Variants in PCDHA3 observed in about 807,000 individuals in gnomAD.
PCDHA3 encodes the protein protocadherin alpha-3.
PCDHA3 carries 41 observed loss-of-function variants against 62.2 expected under a neutral mutation model. The ratio of observed to expected loss-of-function variants is 0.66; its 90% CI spans 0.51 to 0.86. The LOEUF is 0.86. PCDHA3 is among the 40% of genes least tolerant of loss of function. The pLI is 0.00. For missense variants in PCDHA3, 1,304 were observed against 1,241.2 expected (o/e 1.05, Z -0.76); for synonymous variants, 640 against 555.4 (o/e 1.15, Z -2.14).
chr5:140,810,054 G>C (rs1045544275), intron 1 of PCDHA3: 1 of 153,900 alleles, frequency 6.5e-6, no homozygotes, highest in Non-Finnish European at 1.4e-5. Flanking sequence ...TGTTTGTTCG[G>C]GGCCTGTTTT....
chr5:140,974,057 G>A (rs1302269611), intron 1 of PCDHA3, among the ~76,000 whole-genome samples: 1 of 152,154 alleles, frequency 6.6e-6, no homozygotes, highest in Non-Finnish European at 1.5e-5. Flanking sequence ...ATAATATTTG[G>A]AGCAGTATAA....
intron 1 of PCDHA3, chr5:140,854,282 G>C: frequency 1.9e-6 from 1 of 533,858 alleles, no homozygotes; most frequent in Non-Finnish European, 2.4e-6. Context: ...ATTGAGTTTA[G>C]TTTTTATTAT....
chr5:140,944,242 C>T (rs969404044), intron 1 of PCDHA3, among the ~76,000 whole-genome samples: 1 of 152,172 alleles, frequency 6.6e-6, no homozygotes, highest in African/African-American at 2.4e-5. Flanking sequence ...GGCTGGAGTG[C>T]AGTGATGTGA....
At chr5:140,831,505 C>A (rs1412107675) in intron 1 of PCDHA3, among the ~76,000 whole-genome samples, 1 of 140,118 alleles carries the variant, frequency 7.1e-6, no homozygotes. Flanking sequence ...ACACGAGCAC[C>A]ACCATGCCCC....
At chr5:140,835,990 G>A in intron 1 of PCDHA3, 3 of 1,613,318 alleles carry the variant, frequency 1.9e-6, no homozygotes, top group Non-Finnish European at 2.5e-6. Context: ...TTCCAGGTGA[G>A]CGCGCGCGAT....
At chr5:140,879,396 T>C (rs2057974571) in intron 1 of PCDHA3, among the ~76,000 whole-genome samples, 1 of 152,174 alleles carries the variant, frequency 6.6e-6, no homozygotes, top group Non-Finnish European at 1.5e-5. Context: ...AAACAGTTTG[T>C]GTGTATTTGA....
intron 1 of PCDHA3, chr5:140,858,024 C>G: frequency 6.3e-7 from 1 of 1,596,700 alleles, no homozygotes; most frequent in Non-Finnish European, 8.6e-7. Context: ...CCGTCGCTGA[C>G]GGCCACGGCC....
At chr5:140,849,283 A>G (rs1554142852) in intron 1 of PCDHA3, 1 of 1,191,538 alleles carries the variant, frequency 8.4e-7, no homozygotes, top group Admixed American at 2.6e-5. Context: ...CTGGTGATTC[A>G]CCCCAATGCC....
At chr5:140,871,536 A>G in intron 1 of PCDHA3, 1 of 1,507,188 alleles carries the variant, frequency 6.6e-7, no homozygotes, top group East Asian at 2.4e-5. Context: ...AGTGTATGTG[A>G]AATTATTTAA....
chr5:140,967,018 G>T, intron 1 of PCDHA3: 1 of 1,607,168 alleles, frequency 6.2e-7, no homozygotes, highest in Non-Finnish European at 8.5e-7. Context: ...ATCTGGGTGC[G>T]CCCAGTCCGC....
intron 1 of PCDHA3, chr5:140,836,635 C>A: frequency 1.2e-6 from 2 of 1,613,444 alleles, no homozygotes; most frequent in Non-Finnish European, 1.7e-6. Flanking sequence ...TGGTCATTCT[C>A]CCAGCAGAGG....
intron 1 of PCDHA3, chr5:140,821,985 C>CG: frequency 6.2e-7 from 1 of 1,614,156 alleles, no homozygotes; most frequent in South Asian, 1.1e-5. Context: ...CCAAGGGCCG[C>CG]GGGGACCTTC....
At chr5:140,870,622 G>C (rs377101052) in intron 1 of PCDHA3, 4 of 1,613,124 alleles carry the variant, frequency 2.5e-6, no homozygotes, top group Non-Finnish European at 3.4e-6. Flanking sequence ...GTCGAGCTAC[G>C]TGTCGGTGCA....
At chr5:140,910,641 C>T (rs1270893523) in intron 1 of PCDHA3, among the ~76,000 whole-genome samples, 1 of 152,206 alleles carries the variant, frequency 6.6e-6, no homozygotes, top group Non-Finnish European at 1.5e-5. Flanking sequence ...CTCCCTAAAC[C>T]TTTTGATCCC....
intron 1 of PCDHA3, among the ~76,000 whole-genome samples, chr5:140,881,147 A>T (rs982102013): frequency 1.3e-5 from 2 of 152,356 alleles, no homozygotes; most frequent in East Asian, 3.9e-4. Context: ...ATAACAATAG[A>T]TAAAAGTAAG....
At chr5:140,984,612 G>T (rs2097111075) in intron 3 of PCDHA3, among the ~76,000 whole-genome samples, 1 of 152,026 alleles carries the variant, frequency 6.6e-6, no homozygotes, top group Admixed American at 6.6e-5. Flanking sequence ...CTGCATCAGT[G>T]GTGTAAAGTT....
Position 140,835,816 on chromosome 5 carries a change from C to T in PCDHA3, c.2394+32225C>T, listed in dbSNP as rs1554135300. 2.5e-6 allele frequency: 4 copies of T among 1,612,612 alleles called. No homozygotes were observed. The highest frequency in any genetic ancestry group is 2.2e-5 in the East Asian group (1 of 44,834). ...CCGGGCTGCCACATCTTCACTGTGT[C>T]GGCGGGGGACGCGGACGCGCAGAAG... is the stretch of plus-strand genomic sequence containing the variant. On this transcript the variant is annotated intron_variant, in intron 1 of 3. Coordinates refer to ENST00000522353, the MANE Select transcript of PCDHA3 (RefSeq NM_018906.3).
At chr5:140,958,744 A>G (rs1421311606) in intron 1 of PCDHA3, among the ~76,000 whole-genome samples, 1 of 152,156 alleles carries the variant, frequency 6.6e-6, no homozygotes, top group Non-Finnish European at 1.5e-5. Context: ...AAAGAGAGAA[A>G]GGAGATTTTT....
intron 1 of PCDHA3, among the ~76,000 whole-genome samples, chr5:140,952,940 G>A (rs2094821781): frequency 6.6e-6 from 1 of 152,066 alleles, no homozygotes. Context: ...AGGAGCAAGA[G>A]AGAGAGAAGG....
Sources: gnomAD v4.1 joint callset for allele counts (sites outside exome capture counted in the v4.1 genomes callset) on GRCh38, gnomAD v4.1.1 for gene constraint, MANE v1.5 for transcripts, NCBI Gene and HGNC (gene_info 2026-07-23, HGNC 2026-07-21) for gene names.